The following RIMKLB variants were observed in gnomAD, a reference collection of about 807,000 sequenced individuals.
RIMKLB encodes the protein ribosomal modification protein rimK like family member B, also known as beta-citrylglutamate synthase B.
Under a neutral mutation model 32.0 loss-of-function variants are expected in RIMKLB, and 7 were observed. The ratio of observed to expected loss-of-function variants is 0.22; its 90% CI spans 0.12 to 0.41. The LOEUF (loss-of-function observed/expected upper bound fraction) is 0.41, where lower values mean the gene tolerates loss of function less well. Among genes scored for constraint, RIMKLB ranks in the 10% least tolerant of loss-of-function variants. The probability of loss-of-function intolerance (pLI) is 1.00; values close to 1 mark genes in which losing one functional copy is unlikely to be tolerated. For missense variants in RIMKLB, 289 were observed against 498.7 expected, an observed-to-expected ratio of 0.58 and a Z score of 4.00; for synonymous variants, 172 against 185.1, an observed-to-expected ratio of 0.93 and a Z score of 0.57.
At chr12:8,754,657 C>CT (rs1185224421) in intron 5 of RIMKLB, among the ~76,000 whole-genome samples, 1 of 152,120 alleles carries the variant, frequency 6.6e-6, no homozygotes, top group Non-Finnish European at 1.5e-5. Flanking sequence ...CCAATTTAGG[C>CT]TTTTTTCCCT....
intron 2 of RIMKLB, among the ~76,000 whole-genome samples, chr12:8,725,902 C>T (rs999541916): frequency 1.1e-4 from 17 of 152,194 alleles, no homozygotes; most frequent in African/African-American, 3.4e-4. Flanking sequence ...GGCTGGAGTG[C>T]AGTGGTGCGA....
upstream of RIMKLB, among the ~76,000 whole-genome samples, chr12:8,694,657 G>A (rs747230213): frequency 2.0e-5 from 3 of 152,132 alleles, no homozygotes; most frequent in Admixed American, 1.3e-4. Context: ...GCCTCCCAAA[G>A]TGCTGGGATT....
upstream of RIMKLB, among the ~76,000 whole-genome samples, chr12:8,696,225 C>G (rs1430746202): frequency 1.3e-5 from 2 of 152,176 alleles, no homozygotes; most frequent in East Asian, 3.8e-4. Flanking sequence ...GTGTTAGTAT[C>G]TCTGTGCTCA....
At position 8,749,336 on chromosome 12, in the gene RIMKLB, G is replaced by A. The variant is rs57974563; in HGVS notation, c.176-526G>A. ...AGTGATTCTCCTGCCTCAGCCTCCCGAGTAGCTGGGATTAGAGGTGCCTGC... is the reference window on the plus strand; with the variant it reads ...AGTGATTCTCCTGCCTCAGCCTCCCAAGTAGCTGGGATTAGAGGTGCCTGC... On this transcript the variant is annotated intron_variant, in intron 2 of 5. Coordinates refer to ENST00000535829, the MANE Select transcript of RIMKLB (RefSeq NM_001297776.2). Among the ~76,000 whole-genome samples the A allele has an allele frequency of 2.4e-3, 358 of 151,800 alleles. 4 individuals are homozygous for A. Among genetic ancestry groups the A allele is most frequent in the African/African-American group, 8.4e-3 (346 of 41,408 alleles).
At chr12:8,727,164 G>GACAC (rs150911891) in intron 2 of RIMKLB, among the ~76,000 whole-genome samples, 22 of 151,862 alleles carry the variant, frequency 1.4e-4, no homozygotes, top group African/African-American at 5.1e-4. Flanking sequence ...CGTGCACACA[G>GACAC]ACACACACAC....
At chr12:8,718,408 A>G (rs12296473) in intron 2 of RIMKLB, among the ~76,000 whole-genome samples, 5,078 of 152,214 alleles carry the variant, frequency 0.033, 286 homozygotes, top group African/African-American at 0.11. Context: ...CACTTTGGGA[A>G]TCCGAGGCCG....
Position 8,728,374 on chromosome 12 carries a change from G to A in RIMKLB, c.175+14333G>A, listed in dbSNP as rs117906673. Reference sequence around the variant, plus strand: ...CTTTAGTGGTATAGTGGTAAGGTGTGTGGGGAGGTAAAGCATCCTATGATT... The same window carrying A: ...CTTTAGTGGTATAGTGGTAAGGTGTATGGGGAGGTAAAGCATCCTATGATT... On this transcript the variant is annotated intron_variant, in intron 2 of 5. Transcript: ENST00000535829. Among the ~76,000 whole-genome samples the A allele has an allele frequency of 1.1e-3, 168 of 152,322 alleles. 1 individual carries two copies. The highest frequency in any genetic ancestry group is 1.8e-3 in the Admixed American group (27 of 15,300).
chr12:8,735,100 G>A (rs889695438), intron 2 of RIMKLB, among the ~76,000 whole-genome samples: 1 of 152,194 alleles, frequency 6.6e-6, no homozygotes, highest in Admixed American at 6.5e-5. Flanking sequence ...TATGGGTACA[G>A]AAAGTTTGTA....
chr12:8,712,934 A>C (rs937723470), intron 1 of RIMKLB, among the ~76,000 whole-genome samples: 1 of 152,208 alleles, frequency 6.6e-6, no homozygotes, highest in Non-Finnish European at 1.5e-5. Flanking sequence ...CATTAAAAAA[A>C]ATCGTTTTGT....
At chr12:8,758,223 C>T (rs1488814299) in intron 5 of RIMKLB, among the ~76,000 whole-genome samples, 2 of 149,546 alleles carry the variant, frequency 1.3e-5, no homozygotes, top group South Asian at 2.1e-4. Flanking sequence ...CTTTTTTAAT[C>T]GAGATTTTTT....
intron 1 of RIMKLB, among the ~76,000 whole-genome samples, chr12:8,698,952 A>C (rs1291249211): frequency 1.7e-4 from 25 of 148,274 alleles, no homozygotes; most frequent in African/African-American, 6.3e-4. Context: ...CTTGCCCCTC[A>C]CCCCCCCCCA....
chr12:8,774,894 A>C lies in RIMKLB; in HGVS notation c.*1110A>C. On this transcript the variant is annotated 3_prime_UTR_variant, in exon 6 of 6. Coordinates refer to ENST00000535829, the MANE Select transcript of RIMKLB (RefSeq NM_001297776.2). ...AGTATATGTGTATGTGTGTGCACGCATGCATGTGTATGTGTTTTGCTTTTT... is the reference window on the plus strand; with the variant it reads ...AGTATATGTGTATGTGTGTGCACGCCTGCATGTGTATGTGTTTTGCTTTTT... 1 of 985,732 alleles carries C rather than the reference A, an allele frequency of 1.0e-6. No homozygotes were observed. Among genetic ancestry groups the C allele is most frequent in the Non-Finnish European group, 1.2e-6 (1 of 829,862 alleles). 61.1% of individuals were successfully genotyped at this position (985,732 alleles called of 1,614,324 possible). A position where few individuals can be genotyped will look rare whatever the true frequency, so the allele number is the denominator to read the frequency against.
Position 8,774,891 on chromosome 12 carries a change from C to T in RIMKLB, c.*1107C>T, listed in dbSNP as rs1950637199. 6 of 985,388 alleles carry T rather than the reference C, an allele frequency of 6.1e-6. No individual in the cohort carries two copies. Among genetic ancestry groups the T allele is most frequent in the Admixed American group, 1.2e-4 (2 of 16,226 alleles). The allele number at this position is 985,388 out of a possible 1,614,324, so 61.0% of individuals were successfully genotyped here. A position where few individuals can be genotyped will look rare whatever the true frequency, so the allele number is the denominator to read the frequency against. On this transcript the variant is annotated 3_prime_UTR_variant, in exon 6 of 6. Transcript: ENST00000535829. Reference sequence around the variant, plus strand: ...GGGAGTATATGTGTATGTGTGTGCACGCATGCATGTGTATGTGTTTTGCTT... The same window carrying T: ...GGGAGTATATGTGTATGTGTGTGCATGCATGCATGTGTATGTGTTTTGCTT...
intron 1 of RIMKLB, among the ~76,000 whole-genome samples, chr12:8,713,178 C>T (rs1265173709): frequency 1.3e-5 from 2 of 152,108 alleles, no homozygotes; most frequent in Admixed American, 6.6e-5. Context: ...GTGAATAGAC[C>T]TGGACATTTA....
Position 8,776,654 on chromosome 12 carries a change from T to G in RIMKLB, c.*2870T>G. On this transcript the variant is annotated 3_prime_UTR_variant, in exon 6 of 6. Transcript: ENST00000535829. ...CTAAACATACAAGTATGAACTATTC[T>G]ATTTAAAATTTTTAATAGTTTTTTT... is the stretch of plus-strand genomic sequence containing the variant. 4.2e-6 allele frequency: 4 copies of G among 950,120 alleles called. No individual in the cohort carries two copies. Among genetic ancestry groups the G allele is most frequent in the Non-Finnish European group, 5.0e-6 (4 of 797,934 alleles). The allele number at this position is 950,120 out of a possible 1,614,324, so 58.9% of individuals were successfully genotyped here. A position where few individuals can be genotyped will look rare whatever the true frequency, so the allele number is the denominator to read the frequency against.
chr12:8,775,040 TTCACCTTA>T lies in RIMKLB; in HGVS notation c.*1257_*1264del, dbSNP rs1950651900. On this transcript the variant is annotated 3_prime_UTR_variant, in exon 6 of 6. Transcript: ENST00000535829. The stretch of plus-strand genomic sequence containing the variant: ...AGTAGACTCCACTGGGGTAGAGGTA[TTCACCTTA>T]AAACATAGGGTGAGTAGATGCTTTT... The T allele has an allele frequency of 1.4e-5, 14 of 985,802 alleles. No individual in the cohort carries two copies. The highest frequency in any genetic ancestry group is 1.7e-5 in the Non-Finnish European group (14 of 829,872). 61.1% of individuals were successfully genotyped at this position (985,802 alleles called of 1,614,324 possible).
chr12:8,686,073 T>A (rs956746279), intron 1 of RIMKLB, among the ~76,000 whole-genome samples: 5 of 152,202 alleles, frequency 3.3e-5, no homozygotes, highest in Non-Finnish European at 7.3e-5. Context: ...TCCAAAGTGC[T>A]GGGATTACAG....
chr12:8,712,911 T>G (rs1944497898), intron 1 of RIMKLB, among the ~76,000 whole-genome samples: 1 of 151,824 alleles, frequency 6.6e-6, no homozygotes, highest in South Asian at 2.1e-4. Context: ...TGACATTTTG[T>G]TTTTTTGGTA....
At chr12:8,746,145 A>G (rs775646776) in intron 2 of RIMKLB, among the ~76,000 whole-genome samples, 17 of 151,790 alleles carry the variant, frequency 1.1e-4, no homozygotes, top group Non-Finnish European at 1.9e-4. Context: ...ATCTAGATCC[A>G]AATCCAACAT....
Sources: gnomAD v4.1 joint callset for allele counts (sites outside exome capture counted in the v4.1 genomes callset) on GRCh38, gnomAD v4.1.1 for gene constraint, MANE v1.5 for transcripts, NCBI Gene and HGNC (gene_info 2026-07-23, HGNC 2026-07-21) for gene names.